Variants in RGS6 observed in about 807,000 individuals in gnomAD.
The protein encoded by RGS6 is regulator of G-protein signaling 6.
Under a neutral mutation model 78.5 loss-of-function variants are expected in RGS6, and 30 were observed. The ratio of observed to expected loss-of-function variants is 0.38; its 90% confidence interval spans 0.29 to 0.52. RGS6 has a LOEUF of 0.52. Among genes scored for constraint, RGS6 ranks in the 20% least tolerant of loss-of-function variants. The pLI is 0.85. For missense variants in RGS6, 495 were observed against 609.7 expected, an observed-to-expected ratio of 0.81 and a Z score of 1.98; for synonymous variants, 206 against 206.0, an observed-to-expected ratio of 1.00 and a Z score of 0.00.
intron 3 of RGS6, among the ~76,000 whole-genome samples, chr14:72,439,680 C>CG (rs971365120): frequency 1.3e-5 from 2 of 152,218 alleles, no homozygotes; most frequent in African/African-American, 4.8e-5. Context: ...CTGTGCCTCA[C>CG]GGGCTGTCAC....
At chr14:72,237,667 C>A (rs950134669) in intron 2 of RGS6, among the ~76,000 whole-genome samples, 1 of 152,068 alleles carries the variant, frequency 6.6e-6, no homozygotes, top group Non-Finnish European at 1.5e-5. Flanking sequence ...TTCCCTTGAC[C>A]CCTTTGCAGG....
At chr14:72,126,025 C>T (rs1204733175) in intron 2 of RGS6, among the ~76,000 whole-genome samples, 1 of 152,170 alleles carries the variant, frequency 6.6e-6, no homozygotes, top group East Asian at 1.9e-4. Context: ...AAGTAAGCAA[C>T]TAAAAGCAAG....
intron 2 of RGS6, among the ~76,000 whole-genome samples, chr14:72,116,907 T>G (rs1389855751): frequency 7.2e-6 from 1 of 138,594 alleles, no homozygotes; most frequent in Non-Finnish European, 1.5e-5. Flanking sequence ...GAGGTTGCAG[T>G]GAGCTGAGAT....
At chr14:71,970,021 G>A (rs2093713182) in intron 2 of RGS6, among the ~76,000 whole-genome samples, 1 of 152,110 alleles carries the variant, frequency 6.6e-6, no homozygotes, top group South Asian at 2.1e-4. Context: ...AGAATAAAAA[G>A]CTTTAATTGT....
chr14:72,385,350 A>C (rs1373095090), intron 3 of RGS6, among the ~76,000 whole-genome samples: 1 of 152,166 alleles, frequency 6.6e-6, no homozygotes, highest in Non-Finnish European at 1.5e-5. Flanking sequence ...TCACACAAGG[A>C]AGAAAAGTTT....
intron 2 of RGS6, among the ~76,000 whole-genome samples, chr14:72,111,961 T>G (rs550935439): frequency 1.2e-4 from 19 of 152,320 alleles, no homozygotes; most frequent in African/African-American, 4.3e-4. Context: ...ACTGCCAATT[T>G]ATCGGTTTTA....
At chr14:72,541,445 G>T (rs1398475485) in intron 17 of RGS6, 1 of 1,533,996 alleles carries the variant, frequency 6.5e-7, no homozygotes, top group Non-Finnish European at 8.7e-7. Flanking sequence ...TTCCCTCTCT[G>T]TGGCCTTTCC....
chr14:71,965,505 A>C (rs1032405627), intron 2 of RGS6, among the ~76,000 whole-genome samples: 1 of 152,224 alleles, frequency 6.6e-6, no homozygotes, highest in Admixed American at 6.5e-5. Flanking sequence ...GAGATGTTTC[A>C]GCAAGGGCAC....
chr14:72,381,057 G>A (rs1055492805), intron 3 of RGS6, among the ~76,000 whole-genome samples: 7 of 152,094 alleles, frequency 4.6e-5, no homozygotes, highest in Non-Finnish European at 7.4e-5. Flanking sequence ...AGGATATTAT[G>A]CTAAGTGAAA....
At chr14:71,956,905 A>G (rs1419218230) in intron 1 of RGS6, among the ~76,000 whole-genome samples, 5 of 152,204 alleles carry the variant, frequency 3.3e-5, no homozygotes, top group Admixed American at 1.3e-4. Context: ...GTAGGAATGG[A>G]TAGTAAAAGT....
At chr14:72,471,683 CT>C (rs2096079697) in intron 8 of RGS6, among the ~76,000 whole-genome samples, 1 of 152,220 alleles carries the variant, frequency 6.6e-6, no homozygotes, top group Non-Finnish European at 1.5e-5. Context: ...CAGTCTCTGC[CT>C]TTCTCCTGTC....
the RGS6 span, among the ~76,000 whole-genome samples, chr14:72,591,013 G>A: frequency 0.12 from 18,477 of 152,156 alleles, 3,793 homozygotes; most frequent in African/African-American, 0.42. Context: ...ATTTAAAACA[G>A]CTGTGCATGG....
intron 2 of RGS6, among the ~76,000 whole-genome samples, chr14:72,129,595 A>C (rs532294644): frequency 6.6e-6 from 1 of 152,242 alleles, no homozygotes; most frequent in African/African-American, 2.4e-5. Context: ...GGCAACTGGA[A>C]CTGAGGTTTC....
At chr14:72,395,769 G>A (rs2091095916) in intron 3 of RGS6, among the ~76,000 whole-genome samples, 1 of 151,910 alleles carries the variant, frequency 6.6e-6, no homozygotes, top group African/African-American at 2.4e-5. Flanking sequence ...ACCTATGAGT[G>A]AGAACATGTG....
At chr14:72,021,547 C>T (rs1204025712) in intron 2 of RGS6, among the ~76,000 whole-genome samples, 1 of 146,588 alleles carries the variant, frequency 6.8e-6, no homozygotes, top group Non-Finnish European at 1.5e-5. Flanking sequence ...CAGCTCACTG[C>T]AAGCTCTGCC....
chr14:72,543,042 T>C (rs1441306002), intron 17 of RGS6, among the ~76,000 whole-genome samples: 2 of 152,188 alleles, frequency 1.3e-5, no homozygotes, highest in African/African-American at 2.4e-5. Flanking sequence ...AGGACTTGGA[T>C]ATACAAAGCA....
the RGS6 span, among the ~76,000 whole-genome samples, chr14:72,606,773 CT>C: frequency 6.6e-6 from 1 of 152,166 alleles, no homozygotes; most frequent in African/African-American, 2.4e-5. Flanking sequence ...TCATGAACAG[CT>C]TTGTGCCCTC....
rs1555440277 is a variant in RGS6 at position 72,027,217 on chromosome 14, A to AGAGAGAG, written c.84+62342_84+62343insGAGAGAG. 6.9e-3 allele frequency among the ~76,000 whole-genome samples: 1,022 copies of AGAGAGAG among 148,988 alleles called. 11 individuals carry two copies. The highest frequency in any genetic ancestry group is 0.024 in the African/African-American group (965 of 40,498). Reference sequence around the variant, plus strand: ...AGGGAAGGACTATGTCCTCTGCTTTAAGAGAGAGAGAGAGAGAGTGTGTGT... The same window carrying AGAGAGAG: ...AGGGAAGGACTATGTCCTCTGCTTTAGAGAGAGAGAGAGAGAGAGAGAGAGTGTGTGT... On this transcript the variant is annotated intron_variant, in intron 2 of 17. Coordinates refer to ENST00000553525, the MANE Select transcript of RGS6 (RefSeq NM_001204424.2).
chr14:72,238,524 G>A (rs2051807561), intron 2 of RGS6, among the ~76,000 whole-genome samples: 1 of 152,038 alleles, frequency 6.6e-6, no homozygotes, highest in Admixed American at 6.5e-5. Context: ...GAGAGTTTTG[G>A]GTTTGTACTT....
Sources: allele counts gnomAD v4.1 joint callset (sites outside exome capture counted in the v4.1 genomes callset), GRCh38; gene constraint gnomAD v4.1.1; transcripts MANE v1.5; gene names NCBI Gene and HGNC (gene_info 2026-07-23, HGNC 2026-07-21).